PRR16: variants seen among roughly 807,000 people sequenced by gnomAD.
PRR16 encodes proline rich 16, also known as protein Largen.
Under a neutral mutation model 18.2 loss-of-function variants are expected in PRR16, and 6 were observed. The ratio of observed to expected loss-of-function variants is 0.33; its 90% CI spans 0.18 to 0.65. The LOEUF (loss-of-function observed/expected upper bound fraction) is 0.65, where lower values mean the gene tolerates loss of function less well. Ranked by LOEUF, PRR16 falls within the 30% of genes least tolerant of loss-of-function variation. PRR16 has a pLI of 0.74. For synonymous variants in PRR16, 151 were observed against 147.8 expected (o/e 1.02, Z -0.16); for missense variants, 412 against 376.6 (o/e 1.09, Z -0.78).
intron 1 of PRR16, among the ~76,000 whole-genome samples, chr5:120,574,560 C>T (rs1211740960): frequency 7.3e-6 from 1 of 136,304 alleles, no homozygotes; most frequent in Non-Finnish European, 1.5e-5. Flanking sequence ...CAAGATCATG[C>T]CATTGCACTC....
chr5:120,618,666 G>C, intron 1 of PRR16: 1 of 612,048 alleles, frequency 1.6e-6, no homozygotes, highest in Non-Finnish European at 2.0e-6. Flanking sequence ...AGAGGAAAAA[G>C]TAAATTTAAA....
chr5:120,652,426 T>G (rs1392364093), intron 1 of PRR16, among the ~76,000 whole-genome samples: 1 of 152,062 alleles, frequency 6.6e-6, no homozygotes, highest in Non-Finnish European at 1.5e-5. Flanking sequence ...ATAAGAGAAC[T>G]TTATATTGGA....
chr5:120,626,758 C>T (rs1754878252), intron 1 of PRR16, among the ~76,000 whole-genome samples: 1 of 152,068 alleles, frequency 6.6e-6, no homozygotes, highest in African/African-American at 2.4e-5. Context: ...GTGGTTCCCT[C>T]CATAATTTGT....
the PRR16 span, among the ~76,000 whole-genome samples, chr5:120,726,512 A>G: frequency 2.6e-5 from 4 of 152,020 alleles, no homozygotes; most frequent in East Asian, 7.7e-4. Flanking sequence ...GGCTCCTGAC[A>G]AACAGAAATG....
the PRR16 span, among the ~76,000 whole-genome samples, chr5:120,713,914 T>C: frequency 6.6e-6 from 1 of 152,182 alleles, no homozygotes; most frequent in Non-Finnish European, 1.5e-5. Flanking sequence ...GTGGTTCTCC[T>C]GTATCAAAAA....
At chr5:120,600,937 T>G (rs532140282) in intron 1 of PRR16, among the ~76,000 whole-genome samples, 3 of 152,130 alleles carry the variant, frequency 2.0e-5, no homozygotes, top group East Asian at 3.9e-4. Flanking sequence ...TATTGTATAG[T>G]TTATATGTAC....
the PRR16 span, among the ~76,000 whole-genome samples, chr5:120,756,201 C>G: frequency 1.3e-5 from 2 of 152,064 alleles, no homozygotes; most frequent in Non-Finnish European, 2.9e-5. Flanking sequence ...AGTAGGGGAC[C>G]AATCAGAGGT....
At chr5:120,477,318 TCC>T (rs1172133012) in intron 1 of PRR16, among the ~76,000 whole-genome samples, 1 of 149,906 alleles carries the variant, frequency 6.7e-6, no homozygotes, top group African/African-American at 2.5e-5. Context: ...AACCCGGATC[TCC>T]CCCCTCCCAC....
At chr5:120,519,950 TTA>T (rs1461962439) in intron 1 of PRR16, among the ~76,000 whole-genome samples, 2 of 152,154 alleles carry the variant, frequency 1.3e-5, no homozygotes, top group African/African-American at 4.8e-5. Flanking sequence ...AATTTTTTTT[TTA>T]GTTTGATACA....
intron 1 of PRR16, among the ~76,000 whole-genome samples, chr5:120,507,274 T>G (rs1460487766): frequency 6.6e-6 from 1 of 152,164 alleles, no homozygotes; most frequent in Admixed American, 6.6e-5. Flanking sequence ...ATTTTTATGT[T>G]ATATATACCT....
intron 1 of PRR16, among the ~76,000 whole-genome samples, chr5:120,668,716 G>C (rs1045170328): frequency 5.9e-5 from 9 of 151,780 alleles, no homozygotes; most frequent in South Asian, 4.2e-4. Flanking sequence ...ACTTATGAAG[G>C]TTAGTTTGGC....
chr5:120,703,936 G>T, the PRR16 span, among the ~76,000 whole-genome samples: 5 of 152,132 alleles, frequency 3.3e-5, no homozygotes, highest in Non-Finnish European at 5.9e-5. Flanking sequence ...AATTGGATTT[G>T]TCAGTATGTA....
At chr5:120,543,077 C>T (rs1751964987) in intron 1 of PRR16, among the ~76,000 whole-genome samples, 1 of 152,064 alleles carries the variant, frequency 6.6e-6, no homozygotes, top group Non-Finnish European at 1.5e-5. Context: ...ATATGTATGG[C>T]ATGACTTGTT....
chr5:120,517,323 G>C (rs1004791726), intron 1 of PRR16, among the ~76,000 whole-genome samples: 1 of 152,110 alleles, frequency 6.6e-6, no homozygotes, highest in Non-Finnish European at 1.5e-5. Flanking sequence ...ACTTGAAGCA[G>C]AATTCTGCTC....
chr5:120,543,132 A>G (rs928474771), intron 1 of PRR16, among the ~76,000 whole-genome samples: 1 of 152,142 alleles, frequency 6.6e-6, no homozygotes, highest in African/African-American at 2.4e-5. Context: ...CTTACCTTTC[A>G]GATGCAGAGA....
chr5:120,667,008 T>G (rs1010728817), intron 1 of PRR16, among the ~76,000 whole-genome samples: 6 of 150,322 alleles, frequency 4.0e-5, no homozygotes, highest in African/African-American at 1.5e-4. Context: ...CTTTTTCTAT[T>G]GATTGGAATA....
chr5:120,695,935 GTGTA>G, the PRR16 span, among the ~76,000 whole-genome samples: 1 of 21,646 alleles, frequency 4.6e-5, no homozygotes, highest in Non-Finnish European at 1.1e-4. Flanking sequence ...ATATGTGTGT[GTGTA>G]TATATATATA....
the PRR16 span, among the ~76,000 whole-genome samples, chr5:120,699,030 C>T: frequency 6.6e-6 from 1 of 152,056 alleles, no homozygotes; most frequent in East Asian, 1.9e-4. Flanking sequence ...TTTACTTATT[C>T]AGTGAAAGTG....
chr5:120,764,041 G>C, the PRR16 span, among the ~76,000 whole-genome samples: 2 of 152,018 alleles, frequency 1.3e-5, no homozygotes, highest in Non-Finnish European at 2.9e-5. Flanking sequence ...TAAGTTTAGA[G>C]AACTTTTATT....
Sources: gnomAD v4.1 joint callset for allele counts (sites outside exome capture counted in the v4.1 genomes callset) on GRCh38, gnomAD v4.1.1 for gene constraint, MANE v1.5 for transcripts, NCBI Gene and HGNC (gene_info 2026-07-23, HGNC 2026-07-21) for gene names.